Variants in MINK1 observed in about 807,000 individuals in gnomAD.
MINK1 encodes misshapen-like kinase 1.
In MINK1, 46 loss-of-function variants were observed where a neutral mutation model predicts 178.4. The ratio of observed to expected loss-of-function variants is 0.26; its 90% confidence interval spans 0.20 to 0.33. The LOEUF is 0.33. Among genes scored for constraint, MINK1 ranks in the 10% least tolerant of loss-of-function variants. The probability of loss-of-function intolerance (pLI) is 1.00; values close to 1 mark genes in which losing one functional copy is unlikely to be tolerated. For missense variants in MINK1, 1,366 were observed against 1,814.9 expected (o/e 0.75, Z 4.49); for synonymous variants, 797 against 709.7 (o/e 1.12, Z -1.96).
intron 12 of MINK1, 96 bp from the exon 13 acceptor site, chr17:4,889,551 G>A: frequency 1.9e-6 from 2 of 1,051,688 alleles, no homozygotes; most frequent in Non-Finnish European, 2.8e-6. Context: ...ACCACCCTCC[G>A]TGGTGAGCAA....
chr17:4,841,622 G>A (rs1294276091), intron 1 of MINK1, among the ~76,000 whole-genome samples: 1 of 151,542 alleles, frequency 6.6e-6, no homozygotes, highest in Non-Finnish European at 1.5e-5. Context: ...ATTGAATAAT[G>A]TTTTATGGTC....
Position 4,889,571 on chromosome 17 carries a change from C to T in MINK1, c.1231-76C>T. 3.2e-6 allele frequency: 4 copies of T among 1,261,046 alleles called. No individual in the cohort carries two copies. The South Asian group carries it at 3.8e-5, about 12-fold the overall frequency. 78.1% of individuals were successfully genotyped at this position (1,261,046 alleles called of 1,614,324 possible). A position where few individuals can be genotyped will look rare whatever the true frequency, so the allele number is the denominator to read the frequency against. ...CCTCCGTGGTGAGCAAGGAGGGCTC[C>T]CCTCCCTGTCCATGGAGGGGCAGTG... On this transcript the variant is annotated intron_variant, in intron 12 of 31. Transcript: ENST00000355280.
intron 1 of MINK1, among the ~76,000 whole-genome samples, chr17:4,859,968 T>C (rs1913879211): frequency 6.7e-6 from 1 of 149,982 alleles, no homozygotes; most frequent in African/African-American, 2.5e-5. Context: ...AAGGGGCGCG[T>C]CCGGGAACTA....
At chr17:4,848,135 T>A (rs1911321873) in intron 1 of MINK1, among the ~76,000 whole-genome samples, 1 of 152,178 alleles carries the variant, frequency 6.6e-6, no homozygotes, top group Non-Finnish European at 1.5e-5. Context: ...CAGAGACGGT[T>A]TCCTGAGTCT....
intron 12 of MINK1, among the ~76,000 whole-genome samples, chr17:4,888,784 G>A (rs370344028): frequency 5.0e-5 from 7 of 139,710 alleles, no homozygotes; most frequent in South Asian, 2.3e-4. Context: ...CAAAACCTCC[G>A]TCTCCCAGGT....
intron 1 of MINK1, among the ~76,000 whole-genome samples, chr17:4,877,568 A>G (rs927002413): frequency 5.9e-5 from 9 of 152,204 alleles, no homozygotes; most frequent in Non-Finnish European, 1.0e-4. Context: ...CCTGCTTTTA[A>G]GAAGTAAGAT....
chr17:4,843,090 C>T (rs560382585), intron 1 of MINK1, among the ~76,000 whole-genome samples: 3 of 152,250 alleles, frequency 2.0e-5, no homozygotes, highest in South Asian at 4.1e-4. Flanking sequence ...GGAGAGAGTC[C>T]GCCTAACCTT....
At chr17:4,893,215 T>C (rs1007571025) in intron 20 of MINK1, 148 bp downstream of exon 20, 1 of 1,593,306 alleles carries the variant, frequency 6.3e-7, no homozygotes, top group Non-Finnish European at 8.6e-7. Context: ...GTGCTAACCT[T>C]TCCTAACCTC....
rs373735228 is a variant in MINK1 at position 4,893,505 on chromosome 17, G to A, written c.2472G>A (p.Ser824=). 460 of 1,599,578 alleles carry A rather than the reference G, an allele frequency of 2.9e-4. 2 individuals carry two copies. The highest frequency in any genetic ancestry group is 6.4e-4 in the South Asian group (58 of 90,596). The part of the protein sequence containing the change: ...PRPPKKAMDY[S]SSSEEVESSE... ...CTCCCAAGAAGGCCATGGACTACTC[G>A]TCGTCCAGCGAGGAGGTGGAAAGCA... Residue 824 remains serine (S), a synonymous_variant, in exon 21 of 32, where the codon TCG becomes TCA. Transcript: ENST00000355280.
chr17:4,891,092 A>G lies in MINK1; in HGVS notation c.1708A>G (p.Arg570Gly), dbSNP rs1968741843. Residue 570 changes from arginine to glycine, a missense_variant, in exon 15 of 32, where the codon AGG (arginine) becomes GGG (glycine). By Grantham distance (125) the Arg-to-Gly change is moderately radical. Around this residue, in one of 14 missense-constraint regions of MINK1, gnomAD observed 709 missense variants for 692.3 expected, o/e 1.02. Coordinates refer to ENST00000355280, the MANE Select transcript of MINK1 (RefSeq NM_153827.5). Reference protein sequence around the residue: ...GPLSQTPPMQRPVEPQEGPHK... With the variant: ...GPLSQTPPMQGPVEPQEGPHK... Reference sequence around the variant, plus strand: ...CCTTTCCCAGACTCCTCCTATGCAGAGGCCGGTGGAGCCCCAGGAGGGACC... The same window carrying G: ...CCTTTCCCAGACTCCTCCTATGCAGGGGCCGGTGGAGCCCCAGGAGGGACC... 1 of 1,548,896 alleles carries G rather than the reference A, an allele frequency of 6.5e-7. No individual in the cohort carries two copies. Among genetic ancestry groups the G allele is most frequent in the Non-Finnish European group, 8.7e-7 (1 of 1,146,756 alleles).
At chr17:4,897,174 C>G (rs759750633) in intron 31 of MINK1, 30 bp from the exon 32 acceptor site, 3 of 1,602,948 alleles carry the variant, frequency 1.9e-6, no homozygotes, top group Admixed American at 1.7e-5. Flanking sequence ...AACCTCAGCC[C>G]TTGGTGACTT....
rs1270994948 is a variant in MINK1 at position 4,891,550 on chromosome 17, C to T, written c.1835C>T (p.Ala612Val). The change falls in exon 16 of 32, where the codon GCC (alanine) becomes GTC (valine). Residue 612 changes from alanine to valine, a missense_variant. By Grantham distance (64) the Ala-to-Val change is moderately conservative (BLOSUM62 0). Coordinates refer to ENST00000355280, the MANE Select transcript of MINK1 (RefSeq NM_153827.5). Reference protein sequence around the residue: ...LQDQPTRNLAAFPASHDPDPA... With the variant: ...LQDQPTRNLAVFPASHDPDPA... ...GACCAGCCCACCCGAAACCTGGCTG[C>T]CTTCCCAGCCTCCCATGACCCCGAC... The T allele has an allele frequency of 6.2e-7, 1 of 1,608,868 alleles. No homozygotes were observed. Among genetic ancestry groups the T allele is most frequent in the South Asian group, 1.1e-5 (1 of 89,888 alleles).
At chr17:4,880,009 C>T (rs562266661) in intron 2 of MINK1, among the ~76,000 whole-genome samples, 1 of 152,172 alleles carries the variant, frequency 6.6e-6, no homozygotes, top group Non-Finnish European at 1.5e-5. Context: ...CCTACTGCCT[C>T]CATCCTCCGT....
intron 1 of MINK1, among the ~76,000 whole-genome samples, chr17:4,837,719 C>T (rs1268144124): frequency 6.6e-6 from 1 of 152,354 alleles, no homozygotes; most frequent in Non-Finnish European, 1.5e-5. Flanking sequence ...TGACCCACTT[C>T]GTAAATCAAA....
At chr17:4,891,994 C>T (rs1201043410) in intron 16 of MINK1, among the ~76,000 whole-genome samples, 155 bp from the exon 17 acceptor site, 4 of 152,126 alleles carry the variant, frequency 2.6e-5, no homozygotes, top group East Asian at 3.8e-4. Flanking sequence ...CACCATCATC[C>T]GGCTTCATAA....
chr17:4,835,317 A>G (rs1050675897), intron 1 of MINK1, among the ~76,000 whole-genome samples: 1 of 152,060 alleles, frequency 6.6e-6, no homozygotes, highest in African/African-American at 2.4e-5. Flanking sequence ...GGCTGGGGTG[A>G]CTAAAATACA....
chr17:4,842,411 T>G (rs1271298261), intron 1 of MINK1, among the ~76,000 whole-genome samples: 1 of 152,134 alleles, frequency 6.6e-6, no homozygotes, highest in Non-Finnish European at 1.5e-5. Flanking sequence ...GACAGGTTTC[T>G]TCCATGAAGT....
intron 1 of MINK1, chr17:4,875,473 C>CT (rs1303091418): frequency 2.2e-6 from 1 of 453,498 alleles, no homozygotes; most frequent in Non-Finnish European, 4.4e-6. Flanking sequence ...AGATCTGACT[C>CT]TAAAAAAACA....
At chr17:4,859,312 C>A in intron 1 of MINK1, 1 of 985,256 alleles carries the variant, frequency 1.0e-6, no homozygotes, top group Non-Finnish European at 1.2e-6. Flanking sequence ...AATTATGACT[C>A]ATCGGTCAGC....
Sources: allele counts gnomAD v4.1 joint callset (sites outside exome capture counted in the v4.1 genomes callset), GRCh38; gene constraint gnomAD v4.1.1; regional missense constraint gnomAD v4.1.1; transcripts MANE v1.5; gene names NCBI Gene and HGNC (gene_info 2026-07-23, HGNC 2026-07-21).